Variants in PKP2 observed in about 807,000 individuals in gnomAD.
PKP2 encodes plakophilin-2.
PKP2 carries 73 observed loss-of-function variants against 83.4 expected under a neutral mutation model. That is an observed-to-expected ratio of 0.88 (90% CI 0.72 to 1.06). The LOEUF (loss-of-function observed/expected upper bound fraction) is 1.06, where lower values mean the gene tolerates loss of function less well. Ranked by LOEUF, PKP2 falls within the 50% of genes least tolerant of loss-of-function variation. The pLI is 0.00. For missense variants in PKP2, 966 were observed against 1,065.4 expected, an observed-to-expected ratio of 0.91 and a Z score of 1.30; for synonymous variants, 409 against 430.4, an observed-to-expected ratio of 0.95 and a Z score of 0.62.
At chr12:32,846,701 C>T (rs1454993219) in intron 5 of PKP2, among the ~76,000 whole-genome samples, 7 of 143,844 alleles carry the variant, frequency 4.9e-5, no homozygotes, top group South Asian at 2.2e-4. Flanking sequence ...GCCAAGACTG[C>T]GCCATTGCAC....
At chr12:32,811,405 A>T (rs1327778684) in intron 9 of PKP2, among the ~76,000 whole-genome samples, 1 of 152,222 alleles carries the variant, frequency 6.6e-6, no homozygotes, top group Non-Finnish European at 1.5e-5. Flanking sequence ...TCAGATTTTC[A>T]TTAGCCATGA....
At chr12:32,824,669 A>G (rs1956416684) in intron 6 of PKP2, among the ~76,000 whole-genome samples, 1 of 152,212 alleles carries the variant, frequency 6.6e-6, no homozygotes, top group South Asian at 2.1e-4. Context: ...ACAAATATTA[A>G]ATCAGATGCT....
chr12:32,835,088 C>T (rs1327945504), intron 6 of PKP2, among the ~76,000 whole-genome samples: 1 of 148,272 alleles, frequency 6.7e-6, no homozygotes, highest in African/African-American at 2.5e-5. Flanking sequence ...GAGTCTTGCT[C>T]TGTTGCCCGG....
At chr12:32,873,801 A>G (rs1309776859) in intron 3 of PKP2, among the ~76,000 whole-genome samples, 2 of 152,182 alleles carry the variant, frequency 1.3e-5, no homozygotes, top group East Asian at 1.9e-4. Flanking sequence ...AAGTGCTGGG[A>G]TTACAGGCGT....
Position 32,821,523 on chromosome 12 carries a change from G to A in PKP2, c.1846C>T (p.Gln616Ter), listed in dbSNP as rs762753884. The change falls in exon 9 of 13, where the codon CAG becomes TAG. Residue 616 changes from glutamine to a stop codon, truncating the protein, a stop_gained. Transcript: ENST00000340811. LOFTEE classifies it high-confidence loss of function. ...SRSRKVKEQY[Q>*]DVPMPEEKSN... ...TTTTCCTCCGGCATCGGCACGTCCT[G>A]GTATTGCTGACCACACACAAAAGGA... 3 of 1,613,820 alleles carry A rather than the reference G, an allele frequency of 1.9e-6. No individual in the cohort carries two copies. Among genetic ancestry groups the A allele is most frequent in the East Asian group, 4.5e-5 (2 of 44,864 alleles).
At chr12:32,893,804 C>T (rs1271464458) in intron 1 of PKP2, 2 of 152,092 alleles carry the variant, frequency 1.3e-5, no homozygotes, top group Non-Finnish European at 2.9e-5. Flanking sequence ...TCTGTTCCCT[C>T]CTAGAATGAT....
chr12:32,877,327 T>C (rs1263548271), intron 3 of PKP2, among the ~76,000 whole-genome samples: 2 of 152,130 alleles, frequency 1.3e-5, no homozygotes, highest in Non-Finnish European at 2.9e-5. Context: ...GCCAAAAGAA[T>C]ACCCCTTCAA....
chr12:32,818,218 T>C (rs1956338130), intron 9 of PKP2, among the ~76,000 whole-genome samples: 1 of 152,198 alleles, frequency 6.6e-6, no homozygotes, highest in Non-Finnish European at 1.5e-5. Flanking sequence ...CCCCAGCACT[T>C]TGGGAGACTG....
intron 5 of PKP2, among the ~76,000 whole-genome samples, chr12:32,846,800 G>T (rs923044237): frequency 6.7e-6 from 1 of 149,088 alleles, no homozygotes; most frequent in Non-Finnish European, 1.5e-5. Flanking sequence ...GTGAGGAAGA[G>T]CTCTCTGATC....
intron 3 of PKP2, among the ~76,000 whole-genome samples, chr12:32,871,507 C>T (rs1956896749): frequency 6.6e-6 from 1 of 151,920 alleles, no homozygotes; most frequent in Non-Finnish European, 1.5e-5. Flanking sequence ...GCTCTGTCAC[C>T]CAGGCTGGAG....
chr12:32,883,930 C>G (rs1054324573), intron 1 of PKP2, among the ~76,000 whole-genome samples: 2 of 152,178 alleles, frequency 1.3e-5, no homozygotes, highest in Non-Finnish European at 2.9e-5. Context: ...TGTATCCTTA[C>G]GCCTTCCTCT....
rs182417343 is a variant in PKP2, at chr12:32,871,961, T to C, written c.1035-2899A>G. On this transcript the variant is annotated intron_variant, in intron 3 of 12. Coordinates refer to ENST00000340811, the MANE Select transcript of PKP2 (RefSeq NM_001005242.3). ...ATAGCATTCCCCCGTTCCAACTCCT[T>C]TTCTCTGTCTTCCTCCCTCCTTCTC... 4.9e-3 allele frequency among the ~76,000 whole-genome samples: 753 copies of C among 152,234 alleles called. 8 individuals are homozygous for C. Among genetic ancestry groups the C allele is most frequent in the African/African-American group, 0.018 (730 of 41,556 alleles).
intron 9 of PKP2, among the ~76,000 whole-genome samples, 178 bp from the exon 10 acceptor site, chr12:32,802,734 C>T (rs1956194226): frequency 6.6e-6 from 1 of 152,140 alleles, no homozygotes; most frequent in East Asian, 1.9e-4. Context: ...TCTCAGCTCA[C>T]CACAACCTCC....
intron 1 of PKP2, among the ~76,000 whole-genome samples, chr12:32,896,028 A>AG (rs1957120027): frequency 6.6e-6 from 1 of 152,202 alleles, no homozygotes; most frequent in Non-Finnish European, 1.5e-5. Flanking sequence ...TATAGGTTGT[A>AG]GGAGCGCCAG....
intron 5 of PKP2, among the ~76,000 whole-genome samples, chr12:32,847,543 C>A (rs1196037706): frequency 6.6e-6 from 1 of 152,152 alleles, no homozygotes; most frequent in Non-Finnish European, 1.5e-5. Flanking sequence ...CACACACACA[C>A]GCACGCAAGC....
chr12:32,847,338 T>A (rs192804336), intron 5 of PKP2, among the ~76,000 whole-genome samples: 55 of 152,314 alleles, frequency 3.6e-4, no homozygotes, highest in African/African-American at 1.2e-3. Flanking sequence ...CACCCTCCAG[T>A]AGGGATGTTT....
chr12:32,832,899 A>G (rs1020140510), intron 6 of PKP2, among the ~76,000 whole-genome samples: 2 of 152,248 alleles, frequency 1.3e-5, no homozygotes, highest in African/African-American at 4.8e-5. Context: ...GCTAGATCAA[A>G]TAAGTCATGA....
chr12:32,849,345 T>C (rs1956676680), intron 5 of PKP2, among the ~76,000 whole-genome samples: 1 of 152,172 alleles, frequency 6.6e-6, no homozygotes, highest in African/African-American at 2.4e-5. Context: ...GCCTCCTGAA[T>C]AGCTGAGACT....
At chr12:32,873,733 T>C (rs149917212) in intron 3 of PKP2, among the ~76,000 whole-genome samples, 123 of 152,254 alleles carry the variant, frequency 8.1e-4, no homozygotes, top group African/African-American at 2.8e-3. Context: ...TTTCACCATG[T>C]TGGCCAGGCT....
Sources: gnomAD v4.1 joint callset for allele counts (sites outside exome capture counted in the v4.1 genomes callset) on GRCh38, gnomAD v4.1.1 for gene constraint, MANE v1.5 for transcripts, NCBI Gene and HGNC (gene_info 2026-07-23, HGNC 2026-07-21) for gene names.